GDA: variants seen among roughly 807,000 people sequenced by gnomAD.
The protein encoded by GDA is cytoplasmic PSD-95 interactor.
Under a neutral mutation model 59.6 loss-of-function variants are expected in GDA, and 18 were observed. The ratio of observed to expected loss-of-function variants is 0.30; its 90% CI spans 0.21 to 0.45. GDA has a LOEUF of 0.45. Ranked by LOEUF, GDA falls within the 20% of genes least tolerant of loss-of-function variation. The probability of loss-of-function intolerance (pLI) is 1.00; values close to 1 mark genes in which losing one functional copy is unlikely to be tolerated. For missense variants in GDA, 427 were observed against 552.3 expected, an observed-to-expected ratio of 0.77 and a Z score of 2.27; for synonymous variants, 201 against 201.1, an observed-to-expected ratio of 1.00 and a Z score of 0.00.
chr9:72,242,273 T>C (rs1839699630), intron 11 of GDA, among the ~76,000 whole-genome samples: 3 of 152,214 alleles, frequency 2.0e-5, no homozygotes, highest in Admixed American at 2.0e-4. Context: ...CTAATTACTC[T>C]TTAAAAGGAT....
At chr9:72,166,075 A>G (rs796866661) in intron 1 of GDA, among the ~76,000 whole-genome samples, 5 of 152,204 alleles carry the variant, frequency 3.3e-5, no homozygotes, top group South Asian at 4.1e-4. Context: ...GGTGACTCAC[A>G]TACAACCTTT....
intron 3 of GDA, among the ~76,000 whole-genome samples, chr9:72,203,315 A>G (rs748960157): frequency 9.2e-5 from 14 of 152,216 alleles, no homozygotes; most frequent in Non-Finnish European, 1.6e-4. Flanking sequence ...AAGGAATATC[A>G]TGTTATTCTG....
At chr9:72,158,979 G>A (rs1049254942) in intron 1 of GDA, among the ~76,000 whole-genome samples, 41 of 152,066 alleles carry the variant, frequency 2.7e-4, no homozygotes, top group African/African-American at 9.7e-4. Flanking sequence ...AGTGGCAAAG[G>A]CAAGACTCAG....
intron 1 of GDA, among the ~76,000 whole-genome samples, chr9:72,126,540 A>G (rs1273305745): frequency 1.3e-5 from 2 of 150,394 alleles, no homozygotes; most frequent in Admixed American, 1.3e-4. Context: ...CAAGAACTGT[A>G]AAGGGAGACT....
chr9:72,215,719 T>C (rs1461466937), intron 5 of GDA, among the ~76,000 whole-genome samples: 1 of 152,180 alleles, frequency 6.6e-6, no homozygotes, highest in Non-Finnish European at 1.5e-5. Flanking sequence ...CAAGGCCCAC[T>C]CTGCTGCTGC....
At chr9:72,224,523 T>C (rs985224541) in intron 7 of GDA, among the ~76,000 whole-genome samples, 1 of 152,188 alleles carries the variant, frequency 6.6e-6, no homozygotes, top group Non-Finnish European at 1.5e-5. Context: ...TTTTTCAGTG[T>C]GGGGGCATAG....
At chr9:72,239,137 A>G (rs1003091693) in intron 10 of GDA, among the ~76,000 whole-genome samples, 1 of 152,216 alleles carries the variant, frequency 6.6e-6, no homozygotes, top group African/African-American at 2.4e-5. Flanking sequence ...AGAATCGGCA[A>G]GTTACTGTCA....
chr9:72,122,101 A>G (rs1825682740), intron 1 of GDA, among the ~76,000 whole-genome samples: 1 of 152,144 alleles, frequency 6.6e-6, no homozygotes, highest in South Asian at 2.1e-4. Context: ...TCATCCACTC[A>G]TACAACTTTA....
At chr9:72,258,692 A>G (rs1012587492), downstream of GDA, among the ~76,000 whole-genome samples, 1 of 152,208 alleles carries the variant, frequency 6.6e-6, no homozygotes, top group African/African-American at 2.4e-5. Context: ...ACCTGGACTG[A>G]CCAAACACAA....
chr9:72,186,496 G>A (rs1365423807), intron 1 of GDA, among the ~76,000 whole-genome samples: 1 of 152,038 alleles, frequency 6.6e-6, no homozygotes, highest in East Asian at 1.9e-4. Context: ...CCACATTTTA[G>A]TCTATTTACC....
At chr9:72,195,337 CTTTTT>C (rs55634274) in intron 1 of GDA, among the ~76,000 whole-genome samples, 158 bp from the exon 2 acceptor site, 1 of 119,564 alleles carries the variant, frequency 8.4e-6, no homozygotes, top group Admixed American at 8.4e-5. Context: ...AAACACCTGT[CTTTTT>C]TTTTTTTTTT....
At position 72,248,510 on chromosome 9, in the gene GDA, A is replaced by C; in HGVS notation, c.*168A>C. 7.0e-7 allele frequency: 1 copy of C among 1,423,042 alleles called. No individual in the cohort carries two copies. The highest frequency in any genetic ancestry group is 9.2e-7 in the Non-Finnish European group (1 of 1,088,444). The allele number at this position is 1,423,042 out of a possible 1,614,324, so 88.2% of individuals were successfully genotyped here. ...TGACAAATAGTTCGAAGGAAGTTGC[A>C]CTAATTCTCAACTCTGGTTGAGAGG... On this transcript the variant is annotated 3_prime_UTR_variant, in exon 14 of 14. Coordinates refer to ENST00000358399, the MANE Select transcript of GDA (RefSeq NM_004293.5).
At chr9:72,148,532 G>A (rs986052142), upstream of GDA, among the ~76,000 whole-genome samples, 3 of 152,184 alleles carry the variant, frequency 2.0e-5, no homozygotes, top group African/African-American at 7.2e-5. Flanking sequence ...AATCAGTGGT[G>A]AGAAGAGCTG....
intron 1 of GDA, among the ~76,000 whole-genome samples, chr9:72,168,050 C>A (rs1377065675): frequency 2.6e-5 from 4 of 152,058 alleles, no homozygotes; most frequent in African/African-American, 9.7e-5. Context: ...ATAGAATGTG[C>A]TCAGCATATA....
chr9:72,238,572 G>A (rs1008874423), intron 10 of GDA, among the ~76,000 whole-genome samples: 6 of 152,210 alleles, frequency 3.9e-5, no homozygotes, highest in Admixed American at 2.0e-4. Flanking sequence ...GTGAATGAAT[G>A]CATAGGAAAT....
intron 1 of GDA, among the ~76,000 whole-genome samples, chr9:72,181,698 G>A (rs2131086830): frequency 6.6e-6 from 1 of 152,030 alleles, no homozygotes; most frequent in African/African-American, 2.4e-5. Flanking sequence ...GGAGCACAGT[G>A]GCGTGATGGT....
At chr9:72,122,819 G>A (rs1003894743) in intron 1 of GDA, among the ~76,000 whole-genome samples, 6 of 151,928 alleles carry the variant, frequency 3.9e-5, no homozygotes, top group Non-Finnish European at 7.4e-5. Flanking sequence ...TCCCTTTTTT[G>A]TAGTGGCCAC....
At chr9:72,141,440 G>A (rs1412379466) in intron 1 of GDA, among the ~76,000 whole-genome samples, 1 of 152,014 alleles carries the variant, frequency 6.6e-6, no homozygotes, top group Non-Finnish European at 1.5e-5. Context: ...AAATAATATT[G>A]TGAGAATTCC....
chr9:72,133,189 C>T lies in GDA; in HGVS notation c.-100+18356C>T, dbSNP rs540436339. On this transcript the variant is annotated intron_variant, in intron 1 of 13. Coordinates refer to the GDA transcript ENST00000545168. ...CCTGTAGTCCCAGCTACTTGGGAGGCTGAGGCAGGGGAATCGCTTGAATCC... is the reference window on the plus strand; with the variant it reads ...CCTGTAGTCCCAGCTACTTGGGAGGTTGAGGCAGGGGAATCGCTTGAATCC... Among the ~76,000 whole-genome samples the T allele has an allele frequency of 9.4e-5, 14 of 149,206 alleles. No homozygotes were observed. The South Asian group carries it at 3.0e-3, about 32-fold the overall frequency.
Sources: gnomAD v4.1 joint callset for allele counts (sites outside exome capture counted in the v4.1 genomes callset) on GRCh38, gnomAD v4.1.1 for gene constraint, MANE v1.5 for transcripts, NCBI Gene and HGNC (gene_info 2026-07-23, HGNC 2026-07-21) for gene names.